PNOC: variants seen among roughly 807,000 people sequenced by gnomAD.
PNOC encodes the protein nociceptin.
In PNOC, 10 loss-of-function variants were observed where a neutral mutation model predicts 15.6. The observed-to-expected ratio is 0.64, with a 90% CI of 0.40 to 1.09. The LOEUF (loss-of-function observed/expected upper bound fraction) is 1.09. PNOC is among the 50% of genes least tolerant of loss of function. The probability of loss-of-function intolerance (pLI) is 0.01; values close to 1 mark genes in which losing one functional copy is unlikely to be tolerated. For synonymous variants in PNOC, 98 were observed against 88.5 expected (o/e 1.11, Z -0.60); for missense variants, 220 against 223.9 (o/e 0.98, Z 0.11).
At chr8:28,336,879 G>T (rs2614112) in intron 2 of PNOC, among the ~76,000 whole-genome samples, 3 of 151,570 alleles carry the variant, frequency 2.0e-5, no homozygotes, top group Non-Finnish European at 4.4e-5. Flanking sequence ...TGAGAGAGGA[G>T]GAAAAGATAT....
In PNOC at chr8:28,339,234, G is replaced by A. The variant is rs768400554; in HGVS notation, c.321G>A (p.Glu107=). Residue 107 remains glutamate, a synonymous_variant, in exon 3 of 4, where the codon GAG becomes GAA. Transcript: ENST00000301908. ...RMPRVRSLFQ[E]QEEPEPGMEE... ...CCCGAGTCCGGAGCTTGTTCCAGGA[G>A]CAGGAAGAGCCCGAGCCTGGCATGG... 4.3e-6 allele frequency: 7 copies of A among 1,611,260 alleles called. No individual in the cohort carries two copies. The highest frequency in any genetic ancestry group is 2.2e-5 in the East Asian group (1 of 44,830).
intron 2 of PNOC, among the ~76,000 whole-genome samples, chr8:28,330,025 C>A (rs1329398785): frequency 1.3e-5 from 2 of 152,166 alleles, no homozygotes; most frequent in Non-Finnish European, 2.9e-5. Context: ...CAGTTCACTG[C>A]AACATCCACC....
intron 1 of PNOC, among the ~76,000 whole-genome samples, chr8:28,327,142 A>G (rs1035300591): frequency 1.3e-5 from 2 of 152,240 alleles, no homozygotes; most frequent in African/African-American, 4.8e-5. Flanking sequence ...CACCCCTGCG[A>G]CTTCAGTCAA....
At chr8:28,324,442 CCTT>C (rs1414032071) in intron 1 of PNOC, among the ~76,000 whole-genome samples, 2 of 152,220 alleles carry the variant, frequency 1.3e-5, no homozygotes, top group African/African-American at 2.4e-5. Context: ...GGAAACGGCT[CCTT>C]TTCTCCTCCC....
chr8:28,326,181 A>G (rs1227067790), intron 1 of PNOC, among the ~76,000 whole-genome samples: 1 of 151,732 alleles, frequency 6.6e-6, no homozygotes, highest in Non-Finnish European at 1.5e-5. Flanking sequence ...GCGAGACCTC[A>G]TTTCTGCTAA....
chr8:28,339,618 G>A (rs1801481285), intron 3 of PNOC, 127 bp downstream of exon 3: 3 of 675,470 alleles, frequency 4.4e-6, no homozygotes, highest in Non-Finnish European at 6.3e-6. Flanking sequence ...CACACACCCC[G>A]CAAGGAGTCC....
chr8:28,329,011 C>A, intron 1 of PNOC, 124 bp from the exon 2 acceptor site: 1 of 954,434 alleles, frequency 1.0e-6, no homozygotes. Context: ...TCACAGGCCC[C>A]TAGTGCCATC....
intron 3 of PNOC, 144 bp downstream of exon 3, chr8:28,339,635 C>T (rs901609654): frequency 5.1e-6 from 3 of 593,052 alleles, no homozygotes; most frequent in Non-Finnish European, 5.2e-6. Flanking sequence ...GTCCAGCCCA[C>T]CCTTTCTCTA....
intron 1 of PNOC, among the ~76,000 whole-genome samples, chr8:28,318,761 G>A (rs945353265): frequency 6.6e-6 from 1 of 152,226 alleles, no homozygotes; most frequent in Non-Finnish European, 1.5e-5. Context: ...CCTGGCGAGG[G>A]CGCTGTGGTA....
At chr8:28,340,492 A>C (rs1005411740) in intron 3 of PNOC, among the ~76,000 whole-genome samples, 1 of 152,238 alleles carries the variant, frequency 6.6e-6, no homozygotes, top group African/African-American at 2.4e-5. Flanking sequence ...AAAATTTAGG[A>C]AACTCCCAAC....
chr8:28,318,718 C>A (rs963232844), intron 1 of PNOC, among the ~76,000 whole-genome samples: 1 of 152,230 alleles, frequency 6.6e-6, no homozygotes. Context: ...CAACCATCAC[C>A]ACCTCTGTAA....
intron 1 of PNOC, among the ~76,000 whole-genome samples, chr8:28,321,587 A>G (rs2129845450): frequency 6.6e-6 from 1 of 152,178 alleles, no homozygotes; most frequent in South Asian, 2.1e-4. Flanking sequence ...AAGGACAAAT[A>G]TCTGGCCATT....
In PNOC at chr8:28,339,029, T is replaced by C. The variant is rs1430522389; in HGVS notation, c.127-11T>C. ...GTTCCTTCTCCCCTCCTCTCACCCG[T>C]ATCTTTGCAGGTGTGCATCCTCGAG... is the stretch of plus-strand genomic sequence containing the variant. On this transcript the variant is annotated splice_polypyrimidine_tract_variant and intron_variant, in intron 2 of 3. Coordinates refer to ENST00000301908, the MANE Select transcript of PNOC (RefSeq NM_006228.5). 1 of 1,569,978 alleles carries C rather than the reference T, an allele frequency of 6.4e-7. No individual in the cohort carries two copies. Among genetic ancestry groups the C allele is most frequent in the African/African-American group, 1.4e-5 (1 of 73,756 alleles).
chr8:28,318,306 G>A (rs1049573784), intron 1 of PNOC, among the ~76,000 whole-genome samples: 2 of 152,306 alleles, frequency 1.3e-5, no homozygotes, highest in Non-Finnish European at 2.9e-5. Context: ...AAAGCAAGCT[G>A]CTTTGGACTT....
chr8:28,323,797 A>C (rs1289126709), intron 1 of PNOC, among the ~76,000 whole-genome samples: 1 of 152,264 alleles, frequency 6.6e-6, no homozygotes, highest in Non-Finnish European at 1.5e-5. Flanking sequence ...ACACAGTTGT[A>C]GTAGGTGTTG....
chr8:28,338,911 C>T, intron 2 of PNOC, 129 bp from the exon 3 acceptor site: 3 of 1,074,244 alleles, frequency 2.8e-6, no homozygotes, highest in Non-Finnish European at 3.9e-6. Flanking sequence ...TAAAACTGCT[C>T]CACGTTACTT....
chr8:28,334,283 ACT>A (rs1237619740), intron 2 of PNOC, among the ~76,000 whole-genome samples: 1 of 151,902 alleles, frequency 6.6e-6, no homozygotes, highest in African/African-American at 2.4e-5. Flanking sequence ...GACCCAGGTG[ACT>A]CTTTCTCTGT....
In PNOC at chr8:28,339,186, G is replaced by A; in HGVS notation, c.273G>A (p.Glu91=). ...AAALYQPRAS[E]MQHLRRMPRV... ...CTCTCTACCAGCCGAGAGCTTCGGA[G>A]ATGCAGCATCTGCGGCGAATGCCCC... Residue 91 remains glutamate, a synonymous_variant, in exon 3 of 4, where the codon GAG becomes GAA. Coordinates refer to ENST00000301908, the MANE Select transcript of PNOC (RefSeq NM_006228.5). 6.2e-7 allele frequency: 1 copy of A among 1,613,612 alleles called. No individual in the cohort carries two copies. The highest frequency in any genetic ancestry group is 8.5e-7 in the Non-Finnish European group (1 of 1,179,518).
In PNOC at chr8:28,323,658, G is replaced by A. The variant is rs376743187; in HGVS notation, c.-23-5477G>A. Among the ~76,000 whole-genome samples, 40 of 152,316 alleles carry A rather than the reference G, an allele frequency of 2.6e-4. No individual in the cohort carries two copies. The South Asian group carries it at 4.6e-3, about 17-fold the overall frequency. On this transcript the variant is annotated intron_variant, in intron 1 of 3. Transcript: ENST00000301908. ...TAAGGTTTAAACACAAATACAACTC[G>A]TGAATTAACTAAGTACTCATCTCCA...
Sources: gnomAD v4.1 joint callset for allele counts (sites outside exome capture counted in the v4.1 genomes callset) on GRCh38, gnomAD v4.1.1 for gene constraint, MANE v1.5 for transcripts, NCBI Gene and HGNC (gene_info 2026-07-23, HGNC 2026-07-21) for gene names.